Variants in KIF5C observed in about 807,000 individuals in gnomAD.
KIF5C encodes kinesin family member 5C.
A neutral mutation model predicts 125.2 loss-of-function variants in KIF5C; 18 were observed. That is an observed-to-expected ratio of 0.14 (90% CI 0.10 to 0.21). The LOEUF is 0.21. KIF5C is among the 10% of genes least tolerant of loss of function. The pLI is 1.00. For synonymous variants in KIF5C, 405 were observed against 434.0 expected (o/e 0.93, Z 0.83); for missense variants, 780 against 1,183.8 (o/e 0.66, Z 5.01).
At chr2:148,954,159 G>A (rs1409879481) in intron 10 of KIF5C, among the ~76,000 whole-genome samples, 1 of 151,936 alleles carries the variant, frequency 6.6e-6, no homozygotes, top group African/African-American at 2.4e-5. Context: ...GAGAATGATG[G>A]TTTCCAGCAT....
chr2:148,994,573 C>G, intron 17 of KIF5C, 35 bp downstream of exon 17: 3 of 1,547,278 alleles, frequency 1.9e-6, no homozygotes, highest in Non-Finnish European at 8.7e-7. Flanking sequence ...TGTCAAACAC[C>G]TGGCCTGAGT....
chr2:148,938,358 A>T (rs113201221), intron 4 of KIF5C, among the ~76,000 whole-genome samples: 139 of 152,288 alleles, frequency 9.1e-4, no homozygotes, highest in Non-Finnish European at 1.6e-3. Context: ...ATATTCCCAA[A>T]AGTGTACAAT....
At chr2:148,894,557 T>G (rs920470407) in intron 1 of KIF5C, among the ~76,000 whole-genome samples, 2 of 152,162 alleles carry the variant, frequency 1.3e-5, no homozygotes, top group African/African-American at 4.8e-5. Flanking sequence ...ACTTCCTTCC[T>G]TGGATGTCTG....
intron 11 of KIF5C, among the ~76,000 whole-genome samples, chr2:148,971,214 G>A (rs2105143733): frequency 6.6e-6 from 1 of 152,188 alleles, no homozygotes; most frequent in Middle Eastern, 3.4e-3. Flanking sequence ...ACTCCACATT[G>A]CTTGAGTTGT....
intron 21 of KIF5C, among the ~76,000 whole-genome samples, chr2:149,003,382 G>A (rs1283708423): frequency 1.3e-5 from 2 of 152,254 alleles, no homozygotes. Context: ...CCAACTGGCC[G>A]TCGGGGCATC....
chr2:148,950,730 A>G (rs1297954132), intron 10 of KIF5C, among the ~76,000 whole-genome samples: 2 of 151,110 alleles, frequency 1.3e-5, no homozygotes, highest in Non-Finnish European at 2.9e-5. Flanking sequence ...AATTGCTTGA[A>G]CTCAGGAGGT....
chr2:148,922,287 A>T, intron 2 of KIF5C, 60 bp downstream of exon 2: 1 of 1,130,612 alleles, frequency 8.8e-7, no homozygotes, highest in South Asian at 1.4e-5. Context: ...GCATTAAGTG[A>T]TATTTGCAGC....
chr2:148,978,334 GTTT>G (rs71406035), intron 12 of KIF5C, among the ~76,000 whole-genome samples: 878 of 78,638 alleles, frequency 0.011, 13 homozygotes, highest in African/African-American at 0.038. Context: ...CTGCCCTGAG[GTTT>G]TTTTTTTTTT....
intron 7 of KIF5C, among the ~76,000 whole-genome samples, chr2:148,946,054 C>CT (rs1346245203): frequency 6.6e-6 from 1 of 151,868 alleles, no homozygotes; most frequent in Non-Finnish European, 1.5e-5. Flanking sequence ...GTAGTTTATT[C>CT]TTTTTTTGCT....
chr2:148,976,632 T>C, intron 12 of KIF5C, among the ~76,000 whole-genome samples: 1 of 151,496 alleles, frequency 6.6e-6, no homozygotes, highest in Non-Finnish European at 1.5e-5. Flanking sequence ...TAGAGTGCAG[T>C]GGTGAAATCA....
chr2:148,961,851 C>T (rs542954547), intron 10 of KIF5C, 120 bp from the exon 11 acceptor site: 2 of 1,415,048 alleles, frequency 1.4e-6, no homozygotes, highest in Admixed American at 4.7e-5. Flanking sequence ...GTGAAAGCCA[C>T]AGGATCCCTT....
In KIF5C at chr2:149,010,081, T is replaced by C. The variant is rs1682138521; in HGVS notation, c.2551-54T>C. The stretch of plus-strand genomic sequence containing the variant: ...GGGGCTGCTTCTGGCTGCTCTGGTT[T>C]GTGCAATGCTGCCTGCCTGGTAGTA... On this transcript the variant is annotated intron_variant, in intron 23 of 25. Coordinates refer to ENST00000435030, the MANE Select transcript of KIF5C (RefSeq NM_004522.3). The C allele has an allele frequency of 2.7e-6, 4 of 1,496,768 alleles. No individual in the cohort carries two copies. The African/African-American group carries it at 5.6e-5, about 21-fold the overall frequency. The allele number at this position is 1,496,768 out of a possible 1,614,324, so 92.7% of individuals were successfully genotyped here. A position where few individuals can be genotyped will look rare whatever the true frequency, so the allele number is the denominator to read the frequency against.
intron 6 of KIF5C, 60 bp downstream of exon 6, chr2:148,942,050 T>C (rs1682422051): frequency 6.3e-7 from 1 of 1,577,578 alleles, no homozygotes; most frequent in Non-Finnish European, 8.6e-7. Flanking sequence ...GTCATAATAA[T>C]TATTACATAA....
intron 15 of KIF5C, among the ~76,000 whole-genome samples, chr2:148,990,063 T>C (rs1468529870): frequency 6.9e-6 from 1 of 145,132 alleles, no homozygotes; most frequent in Non-Finnish European, 1.5e-5. Context: ...ACAGGGCTCT[T>C]TGTTTTCTCT....
Position 148,922,213 on chromosome 2 carries a change from A to G in KIF5C, c.203A>G (p.Lys68Arg). 6.2e-7 allele frequency: 1 copy of G among 1,611,458 alleles called. No individual in the cohort carries two copies. The highest frequency in any genetic ancestry group is 8.5e-7 in the Non-Finnish European group (1 of 1,178,066). Reference sequence around the variant, plus strand: ...GAGCAGGTTTACAATGCATGTGCGAAGCAAATTGTCAAAGGTAAGTGCTAT... The same window carrying G: ...GAGCAGGTTTACAATGCATGTGCGAGGCAAATTGTCAAAGGTAAGTGCTAT... ...TQEQVYNACAKQIVKDVLEGY... is the reference protein window; with the variant it reads ...TQEQVYNACARQIVKDVLEGY... Residue 68 changes from lysine to arginine, a missense_variant, in exon 2 of 26, where the codon AAG becomes AGG. By Grantham distance (26) the Lys-to-Arg change is conservative. This residue lies in a region of KIF5C where 207 missense variants were observed against 441.2 expected (regional missense o/e 0.47). Coordinates refer to ENST00000435030, the MANE Select transcript of KIF5C (RefSeq NM_004522.3).
At chr2:148,941,561 G>C in intron 4 of KIF5C, 49 bp from the exon 5 acceptor site, 1 of 1,548,396 alleles carries the variant, frequency 6.5e-7, no homozygotes, top group South Asian at 1.2e-5. Flanking sequence ...TGGCATTTTT[G>C]AAATACACTG....
intron 1 of KIF5C, among the ~76,000 whole-genome samples, chr2:148,889,541 T>C (rs1052908155): frequency 3.3e-5 from 5 of 149,602 alleles, no homozygotes; most frequent in African/African-American, 1.3e-4. Flanking sequence ...TAACTCAGGG[T>C]TCTTCTCACA....
chr2:149,015,747 C>A (rs1682340372), intron 25 of KIF5C, among the ~76,000 whole-genome samples: 1 of 152,192 alleles, frequency 6.6e-6, no homozygotes. Flanking sequence ...TGCAGTGCAA[C>A]CATGTGACAT....
chr2:148,924,297 G>T lies in KIF5C; in HGVS notation c.217+2070G>T, dbSNP rs1681906072. On this transcript the variant is annotated intron_variant, in intron 2 of 25. Transcript: ENST00000435030. The surrounding 1 kb of genome is among the most constrained non-coding windows in gnomAD (Gnocchi z 4.0). ...TGCTGTGGAGCCCTTTTTTTCTAGAGGCTAATAATTAAATCAGATGATTTC... is the reference window on the plus strand; with the variant it reads ...TGCTGTGGAGCCCTTTTTTTCTAGATGCTAATAATTAAATCAGATGATTTC... 1.3e-5 allele frequency among the ~76,000 whole-genome samples: 2 copies of T among 151,980 alleles called. No homozygotes were observed. The highest frequency in any genetic ancestry group is 4.2e-4 in the South Asian group (2 of 4,812).
Sources: gnomAD v4.1 joint callset for allele counts (sites outside exome capture counted in the v4.1 genomes callset) on GRCh38, gnomAD v4.1.1 for gene constraint, gnomAD v4.1.1 regional missense constraint, Gnocchi (gnomAD v3.1) non-coding constraint, MANE v1.5 for transcripts, NCBI Gene and HGNC (gene_info 2026-07-23, HGNC 2026-07-21) for gene names.